STK3: variants seen among roughly 807,000 people sequenced by gnomAD.
STK3 encodes serine/threonine-protein kinase 3.
In STK3, 41 loss-of-function variants were observed where a neutral mutation model predicts 58.0. That is an observed-to-expected ratio of 0.71 (90% CI 0.55 to 0.92). The LOEUF is 0.92. Ranked by LOEUF, STK3 falls within the 40% of genes least tolerant of loss-of-function variation. The pLI, the probability that STK3 is intolerant of heterozygous loss-of-function variation, is 0.00. For missense variants in STK3, 479 were observed against 602.7 expected (o/e 0.79, Z 2.15); for synonymous variants, 170 against 191.0 (o/e 0.89, Z 0.91).
intron 3 of STK3, among the ~76,000 whole-genome samples, chr8:98,419,596 T>A (rs1347979046): frequency 1.3e-5 from 2 of 152,218 alleles, no homozygotes; most frequent in African/African-American, 4.8e-5. Context: ...GGCTGCATCC[T>A]GGACCTGGAG....
chr8:98,588,426 C>T (rs1403691497), intron 7 of STK3, among the ~76,000 whole-genome samples: 3 of 150,692 alleles, frequency 2.0e-5, no homozygotes, highest in Non-Finnish European at 3.0e-5. Flanking sequence ...GAATATTGGC[C>T]CCCACTCTCT....
At chr8:98,592,612 C>T (rs1407480906) in intron 7 of STK3, among the ~76,000 whole-genome samples, 1 of 151,700 alleles carries the variant, frequency 6.6e-6, no homozygotes, top group Non-Finnish European at 1.5e-5. Context: ...TTTCTTATTG[C>T]TCTACACTCC....
chr8:98,887,852 C>T (rs1385372903), intron 1 of STK3, among the ~76,000 whole-genome samples: 3 of 152,196 alleles, frequency 2.0e-5, no homozygotes, highest in Non-Finnish European at 4.4e-5. Flanking sequence ...ACCACAAAGC[C>T]AAGCAGCTAT....
intron 9 of STK3, among the ~76,000 whole-genome samples, chr8:98,527,455 T>TA (rs1825833297): frequency 6.6e-6 from 1 of 151,688 alleles, no homozygotes; most frequent in African/African-American, 2.4e-5. Flanking sequence ...TCTGTCTCTA[T>TA]AAAAAATACA....
intron 1 of STK3, among the ~76,000 whole-genome samples, chr8:98,802,323 T>A (rs993549130): frequency 7.9e-5 from 12 of 152,358 alleles, no homozygotes; most frequent in African/African-American, 2.9e-4. Flanking sequence ...ATTTCAAGAA[T>A]AAGTTACATT....
At chr8:98,818,214 C>T (rs941189070) in intron 1 of STK3, among the ~76,000 whole-genome samples, 3 of 152,242 alleles carry the variant, frequency 2.0e-5, no homozygotes, top group Non-Finnish European at 2.9e-5. Context: ...GCAGGTTTCA[C>T]CATCTTTCTC....
chr8:98,592,282 A>T lies in STK3; in HGVS notation c.822+3750T>A, dbSNP rs137986969. ...TGGTGTTTCTATTCTGGCTAAGCAG[A>T]TCTTACTGTGTTCTAAAATACATCT... On this transcript the variant is annotated intron_variant, in intron 7 of 10. Coordinates refer to ENST00000419617, the MANE Select transcript of STK3 (RefSeq NM_006281.4). Among the ~76,000 whole-genome samples, 234 of 152,272 alleles carry T rather than the reference A, an allele frequency of 1.5e-3. 1 individual carries two copies. The East Asian group carries it at 0.028, about 18-fold the overall frequency.
chr8:98,557,778 C>T (rs1470312001), intron 8 of STK3, among the ~76,000 whole-genome samples: 13 of 152,070 alleles, frequency 8.5e-5, no homozygotes. Flanking sequence ...CTTTGACATA[C>T]CTGTCTTTAG....
At chr8:98,940,130 A>T (rs899203787) in intron 1 of STK3, among the ~76,000 whole-genome samples, 1 of 150,750 alleles carries the variant, frequency 6.6e-6, no homozygotes, top group African/African-American at 2.4e-5. Flanking sequence ...GCCCGCTCCT[A>T]CCCCCTCGGC....
Position 98,526,790 on chromosome 8 carries a change from GT to G in STK3, c.1268del (p.Asn423ThrfsTer18). 12 of 1,586,800 alleles carry G rather than the reference GT, an allele frequency of 7.6e-6. No individual in the cohort carries two copies. Among genetic ancestry groups the G allele is most frequent in the Admixed American group, 7.0e-5 (4 of 57,280 alleles). The part of the protein sequence containing the change: ...NMHEPFPMSK[N>X]VFPDNWKVPQ... ...GAACTTTCCAGTTATCAGGAAAAACGTTTTTGGACATAGGGAAGGGTTCATG... is the reference window on the plus strand; with the variant it reads ...GAACTTTCCAGTTATCAGGAAAAACGTTTTGGACATAGGGAAGGGTTCATG... On this transcript the variant is annotated frameshift_variant, in exon 10 of 11. Transcript: ENST00000419617. LOFTEE classifies it high-confidence loss of function.
chr8:98,483,200 C>A (rs574695378), intron 10 of STK3, among the ~76,000 whole-genome samples: 31 of 152,224 alleles, frequency 2.0e-4, no homozygotes, highest in African/African-American at 7.5e-4. Flanking sequence ...AGATATGGAA[C>A]TGCTGAAGAA....
In STK3 at chr8:98,890,606, A is replaced by G. The variant is rs75147632; in HGVS notation, c.-78-6772T>C. Among the ~76,000 whole-genome samples, 1,011 of 152,294 alleles carry G rather than the reference A, an allele frequency of 6.6e-3. 10 individuals carry two copies. Among genetic ancestry groups the G allele is most frequent in the African/African-American group, 0.024 (978 of 41,560 alleles). Reference sequence around the variant, plus strand: ...TTACCAATCACTCCCACCAGCCACCAGGGGTCACATAAATAGAAGTTTTCA... The same window carrying G: ...TTACCAATCACTCCCACCAGCCACCGGGGGTCACATAAATAGAAGTTTTCA... On this transcript the variant is annotated intron_variant, in intron 1 of 1. Coordinates refer to the STK3 transcript ENST00000519420.
At chr8:98,633,816 C>T in intron 6 of STK3, 2 of 467,966 alleles carry the variant, frequency 4.3e-6, no homozygotes, top group Non-Finnish European at 4.0e-6. Flanking sequence ...GAATACATTC[C>T]CTAACTTCAA....
chr8:98,919,724 C>T (rs1290733816), intron 1 of STK3, among the ~76,000 whole-genome samples: 1 of 152,164 alleles, frequency 6.6e-6, no homozygotes, highest in East Asian at 1.9e-4. Context: ...GAGATGGGTA[C>T]ATGAGTGTTC....
chr8:98,485,862 G>A (rs1430538790), intron 10 of STK3, among the ~76,000 whole-genome samples: 2 of 152,178 alleles, frequency 1.3e-5, no homozygotes, highest in Admixed American at 6.5e-5. Flanking sequence ...TATTACAGAA[G>A]TAGGGGGCCA....
At chr8:98,371,292 A>G (rs1175350953), downstream of STK3, 1 of 152,198 alleles carries the variant, frequency 6.6e-6, no homozygotes, top group Non-Finnish European at 1.5e-5. Flanking sequence ...AGAGAAATTA[A>G]CACATATCAA....
At chr8:98,478,471 C>T (rs1821560589) in intron 10 of STK3, among the ~76,000 whole-genome samples, 1 of 152,152 alleles carries the variant, frequency 6.6e-6, no homozygotes, top group African/African-American at 2.4e-5. Flanking sequence ...GCATTTTAGC[C>T]AACTTTTCCA....
At chr8:98,848,041 A>C (rs1408807091) in intron 3 of STK3, among the ~76,000 whole-genome samples, 1 of 152,214 alleles carries the variant, frequency 6.6e-6, no homozygotes, top group Admixed American at 6.5e-5. Flanking sequence ...TTGTTTAAAA[A>C]AACAGTTGTA....
At chr8:98,937,090 C>A (rs1054006325) in intron 1 of STK3, among the ~76,000 whole-genome samples, 1 of 152,218 alleles carries the variant, frequency 6.6e-6, no homozygotes, top group South Asian at 2.1e-4. Flanking sequence ...GACCAGTATT[C>A]TTTGAAACTT....
Sources: allele counts gnomAD v4.1 joint callset (sites outside exome capture counted in the v4.1 genomes callset), GRCh38; gene constraint gnomAD v4.1.1; transcripts MANE v1.5; gene names NCBI Gene and HGNC (gene_info 2026-07-23, HGNC 2026-07-21).